The following ANKEF1 variants were observed in gnomAD, a reference collection of about 807,000 sequenced individuals.
ANKEF1 encodes the protein ankyrin repeat and EF-hand domain-containing protein 1.
A neutral mutation model predicts 65.1 loss-of-function variants in ANKEF1; 43 were observed. That is an observed-to-expected ratio of 0.66 (90% confidence interval 0.52 to 0.85). The LOEUF (loss-of-function observed/expected upper bound fraction) is 0.85. ANKEF1 is among the 40% of genes least tolerant of loss of function. The pLI, the probability that ANKEF1 is intolerant of heterozygous loss-of-function variation, is 0.00. For synonymous variants in ANKEF1, 316 were observed against 341.5 expected, an observed-to-expected ratio of 0.93 and a Z score of 0.82; for missense variants, 934 against 952.9, an observed-to-expected ratio of 0.98 and a Z score of 0.26.
intron 8 of ANKEF1, among the ~76,000 whole-genome samples, chr20:10,052,342 A>T (rs1395801609): frequency 1.3e-5 from 2 of 152,082 alleles, no homozygotes; most frequent in African/African-American, 4.8e-5. Context: ...TTACACTGTT[A>T]TGACTGTTAA....
At chr20:10,047,000 A>ATCTG (rs1489647836) in intron 6 of ANKEF1, among the ~76,000 whole-genome samples, 1 of 152,234 alleles carries the variant, frequency 6.6e-6, no homozygotes, top group African/African-American at 2.4e-5. Context: ...TTGTTTTCAA[A>ATCTG]TCTGTCTCTA....
intron 3 of ANKEF1, among the ~76,000 whole-genome samples, chr20:10,039,730 A>G (rs76911831): frequency 6.6e-6 from 1 of 152,324 alleles, no homozygotes; most frequent in East Asian, 1.9e-4. Flanking sequence ...GTTGAGAAGT[A>G]CTACAGGCAA....
chr20:10,056,252 G>A lies in ANKEF1; in HGVS notation c.*592G>A, dbSNP rs1985141783. ...ATAAACTATGTGTATTAGATACCTT[G>A]GGTTGAATACACTTTTAACAGCCCT... On this transcript the variant is annotated 3_prime_UTR_variant, in exon 11 of 11. Coordinates refer to ENST00000378392, the MANE Select transcript of ANKEF1 (RefSeq NM_022096.6). 1.3e-5 allele frequency: 2 copies of A among 152,462 alleles called. No individual in the cohort carries two copies. Among genetic ancestry groups the A allele is most frequent in the South Asian group, 4.1e-4 (2 of 4,852 alleles). 9.4% of individuals were successfully genotyped at this position (152,462 alleles called of 1,614,324 possible).
At chr20:10,042,758 G>T (rs753879229) in intron 3 of ANKEF1, among the ~76,000 whole-genome samples, 1 of 152,108 alleles carries the variant, frequency 6.6e-6, no homozygotes, top group African/African-American at 2.4e-5. Flanking sequence ...AGAGGGGACC[G>T]GGGGACTTAC....
chr20:10,051,101 G>C (rs1170786154), intron 7 of ANKEF1, among the ~76,000 whole-genome samples: 1 of 152,032 alleles, frequency 6.6e-6, no homozygotes. Context: ...CACAAGATTA[G>C]TTGAAGATTA....
Position 10,049,686 on chromosome 20 carries a change from G to A in ANKEF1, c.1117G>A (p.Glu373Lys), listed in dbSNP as rs745975168. The change falls in exon 7 of 11, where the codon GAA becomes AAA. Residue 373 changes from glutamate to lysine, a missense_variant. Coordinates refer to ENST00000378392, the MANE Select transcript of ANKEF1 (RefSeq NM_022096.6). ...LEERQDYASS[E>K]QLAAIAHLHE... is the part of the protein sequence containing the mutation. ...GGAAAGGCAGGATTATGCAAGCTCA[G>A]AACAGCTGGCTGCCATCGCTCACCT... is the stretch of plus-strand genomic sequence containing the variant. 6 of 1,614,134 alleles carry A rather than the reference G, an allele frequency of 3.7e-6. No individual in the cohort carries two copies. Among genetic ancestry groups the A allele is most frequent in the Non-Finnish European group, 4.2e-6 (5 of 1,180,020 alleles).
chr20:10,045,323 C>T (rs1984449868), intron 5 of ANKEF1, among the ~76,000 whole-genome samples: 1 of 152,092 alleles, frequency 6.6e-6, no homozygotes. Context: ...TGATGATGGG[C>T]ATATTCTATG....
rs1040368815 is a variant in ANKEF1 at position 10,038,602 on chromosome 20, G to A, written c.301G>A (p.Ala101Thr). ...CCATGAATTGTCAATGGAAATATTA[G>A]CAAAGGCAAAGGCTGATATGACTAT... is the stretch of plus-strand genomic sequence containing the variant. ...LGHELSMEIL[A>T]KAKADMTIVD... The change falls in exon 3 of 11, where the codon GCA (alanine) becomes ACA (threonine). Residue 101 changes from alanine (A) to threonine (T), a missense_variant. Coordinates refer to ENST00000378392, the MANE Select transcript of ANKEF1 (RefSeq NM_022096.6). The A allele has an allele frequency of 1.2e-6, 2 of 1,613,438 alleles. No individual in the cohort carries two copies. Among genetic ancestry groups the A allele is most frequent in the Admixed American group, 3.3e-5 (2 of 59,980 alleles).
At chr20:10,045,546 T>C in intron 5 of ANKEF1, 28 bp from the exon 6 acceptor site, 1 of 1,610,268 alleles carries the variant, frequency 6.2e-7, no homozygotes. Flanking sequence ...TTCCTATTCC[T>C]CCACAATATC....
Position 10,044,462 on chromosome 20 carries a change from G to A in ANKEF1, c.615G>A (p.Leu205=). The part of the protein sequence containing the change: ...EGVVEIVRGI[L]ERGGEVNAFD... ...TAGTGGAAATAGTTCGAGGCATATT[G>A]GAAAGAGGAGGTGAAGTGAATGCAT... Residue 205 remains leucine, a synonymous_variant, in exon 5 of 11, where the codon TTG becomes TTA. Coordinates refer to ENST00000378392, the MANE Select transcript of ANKEF1 (RefSeq NM_022096.6). The A allele has an allele frequency of 6.2e-7, 1 of 1,614,072 alleles. No homozygotes were observed. The highest frequency in any genetic ancestry group is 8.5e-7 in the Non-Finnish European group (1 of 1,179,970).
At chr20:10,044,923 T>G (rs1323200480) in intron 5 of ANKEF1, among the ~76,000 whole-genome samples, 5 of 152,208 alleles carry the variant, frequency 3.3e-5, no homozygotes, top group African/African-American at 1.2e-4. Flanking sequence ...CTCCATGGTG[T>G]TTGTGTGTAT....
Position 10,050,179 on chromosome 20 carries a change from A to G in ANKEF1, c.1610A>G (p.Asn537Ser), listed in dbSNP as rs771319596. 1 of 1,612,766 alleles carries G rather than the reference A, an allele frequency of 6.2e-7. No homozygotes were observed. Among genetic ancestry groups the G allele is most frequent in the Admixed American group, 1.7e-5 (1 of 59,810 alleles). The change falls in exon 7 of 11, where the codon AAC becomes AGC. Residue 537 changes from asparagine to serine, a missense_variant. Physicochemically the swap from Asn to Ser is conservative, Grantham distance 46. Transcript: ENST00000378392. Reference protein sequence around the residue: ...TPLMTACASGNIDVVKFLLEK... With the variant: ...TPLMTACASGSIDVVKFLLEK... ...CTAATGACGGCGTGTGCAAGTGGAA[A>G]CATAGATGTGGTCAAGTTTCTTCTT...
chr20:10,048,602 A>G (rs866573087), intron 6 of ANKEF1, among the ~76,000 whole-genome samples: 2 of 152,162 alleles, frequency 1.3e-5, no homozygotes, highest in African/African-American at 2.4e-5. Context: ...CTGCTTCTTC[A>G]AAGTCTTACT....
chr20:10,049,168 G>A (rs1443710153), intron 6 of ANKEF1, among the ~76,000 whole-genome samples: 1 of 151,936 alleles, frequency 6.6e-6, no homozygotes, highest in Non-Finnish European at 1.5e-5. Flanking sequence ...AATTGTAAAC[G>A]TATCTTCTTC....
At chr20:10,053,774 A>T (rs1319339074) in intron 9 of ANKEF1, among the ~76,000 whole-genome samples, 1 of 152,132 alleles carries the variant, frequency 6.6e-6, no homozygotes, top group African/African-American at 2.4e-5. Context: ...GAATTCTGGG[A>T]TACGGAGCCA....
chr20:10,055,419 G>A, intron 10 of ANKEF1, 83 bp from the exon 11 acceptor site: 2 of 1,246,390 alleles, frequency 1.6e-6, no homozygotes, highest in Non-Finnish European at 2.3e-6. Flanking sequence ...TTAAAACTGT[G>A]TATTGAAAAT....
chr20:10,045,423 A>G lies in ANKEF1; in HGVS notation c.697-151A>G, dbSNP rs923970512. On this transcript the variant is annotated intron_variant, in intron 5 of 10. Transcript: ENST00000378392. ...AGTGAAACAAACAAATGAAACTTAA[A>G]TATTTTCAGTTTAGTTCATTTCAAT... 1.6e-5 allele frequency: 12 copies of G among 772,874 alleles called. No homozygotes were observed. The African/African-American group carries it at 1.6e-4, about 10-fold the overall frequency. 47.9% of individuals were successfully genotyped at this position (772,874 alleles called of 1,614,324 possible).
At chr20:10,040,036 G>A (rs906971486) in intron 3 of ANKEF1, among the ~76,000 whole-genome samples, 47 of 152,066 alleles carry the variant, frequency 3.1e-4, no homozygotes, top group Non-Finnish European at 5.9e-5. Context: ...TTGGAAACAA[G>A]GTCAAGTAAA....
chr20:10,046,099 C>T (rs892999722), intron 6 of ANKEF1, among the ~76,000 whole-genome samples: 1 of 151,930 alleles, frequency 6.6e-6, no homozygotes, highest in African/African-American at 2.4e-5. Context: ...GGCAAAACCG[C>T]GCCTCTACTA....
Sources: allele counts gnomAD v4.1 joint callset (sites outside exome capture counted in the v4.1 genomes callset), GRCh38; gene constraint gnomAD v4.1.1; transcripts MANE v1.5; gene names NCBI Gene and HGNC (gene_info 2026-07-23, HGNC 2026-07-21).